Variants in HHIPL1 observed in about 807,000 individuals in gnomAD.
HHIPL1 encodes HHIP like 1, also known as HHIP-like protein 1.
Under a neutral mutation model 61.8 loss-of-function variants are expected in HHIPL1, and 43 were observed. That is an observed-to-expected ratio of 0.70 (90% CI 0.55 to 0.90). The LOEUF (loss-of-function observed/expected upper bound fraction) is 0.90. Ranked by LOEUF, HHIPL1 falls within the 40% of genes least tolerant of loss-of-function variation. The probability of loss-of-function intolerance (pLI) is 0.00; values close to 1 mark genes in which losing one functional copy is unlikely to be tolerated. For missense variants in HHIPL1, 1,056 were observed against 1,157.7 expected, an observed-to-expected ratio of 0.91 and a Z score of 1.28; for synonymous variants, 482 against 515.8, an observed-to-expected ratio of 0.93 and a Z score of 0.89.
At chr14:99,643,722 G>C (rs1448376730), upstream of HHIPL1, among the ~76,000 whole-genome samples, 1 of 152,230 alleles carries the variant, frequency 6.6e-6, no homozygotes, top group Non-Finnish European at 1.5e-5. Context: ...GCAGCCCTCT[G>C]CTAGGTTCAG....
chr14:99,640,964 G>T (rs2055743821), upstream of HHIPL1, among the ~76,000 whole-genome samples: 1 of 131,026 alleles, frequency 7.6e-6, no homozygotes, highest in African/African-American at 2.9e-5. Flanking sequence ...TTGGCTCACT[G>T]CAAGCTCCGC....
chr14:99,657,849 T>TACACACAATAC (rs534008355), intron 3 of HHIPL1, among the ~76,000 whole-genome samples: 3 of 151,254 alleles, frequency 2.0e-5, no homozygotes, highest in Non-Finnish European at 4.4e-5. Context: ...ACATACCACA[T>TACACACAATAC]ACACACAATA....
At chr14:99,637,075 AGAG>A in the HHIPL1 span, among the ~76,000 whole-genome samples, 1 of 103,314 alleles carries the variant, frequency 9.7e-6, no homozygotes, top group African/African-American at 3.1e-5. Context: ...AGAAAGAAAG[AGAG>A]AGAAAGAAAG....
At chr14:99,644,780 G>A (rs1335659619), upstream of HHIPL1, among the ~76,000 whole-genome samples, 1 of 152,184 alleles carries the variant, frequency 6.6e-6, no homozygotes, top group Admixed American at 6.5e-5. Context: ...TTTTTAAAAT[G>A]TTACGTGGGA....
In HHIPL1 at chr14:99,680,065, T is replaced by C. The variant is rs1041344313; in HGVS notation, c.*4439T>C. ...GACACCCTCAATATCACTGTCCCTG[T>C]TTTCCAGATGAGGGGACAGATTCCT... On this transcript the variant is annotated 3_prime_UTR_variant, in exon 9 of 9. Coordinates refer to ENST00000330710, the MANE Select transcript of HHIPL1 (RefSeq NM_001127258.3). 2 of 152,190 alleles carry C rather than the reference T, an allele frequency of 1.3e-5. No homozygotes were observed. Among genetic ancestry groups the C allele is most frequent in the African/African-American group, 4.8e-5 (2 of 41,440 alleles). 9.4% of individuals were successfully genotyped at this position (152,190 alleles called of 1,614,324 possible).
chr14:99,620,910 G>A, the HHIPL1 span, among the ~76,000 whole-genome samples: 1 of 152,216 alleles, frequency 6.6e-6, no homozygotes, highest in East Asian at 1.9e-4. Context: ...ACTTCCCCAT[G>A]AGAGTGCGGA....
At chr14:99,657,734 C>CACACAT (rs1392902337) in intron 3 of HHIPL1, among the ~76,000 whole-genome samples, 18 of 150,914 alleles carry the variant, frequency 1.2e-4, no homozygotes, top group Admixed American at 2.6e-4. Flanking sequence ...CACATATATA[C>CACACAT]ACACATACAC....
chr14:99,637,086 AAGAAAGAAGGAAGGAAAAAAGAAAG>A, the HHIPL1 span, among the ~76,000 whole-genome samples: 2 of 129,734 alleles, frequency 1.5e-5, no homozygotes, highest in African/African-American at 6.4e-5. Flanking sequence ...GAGAGAAAGA[AAGAAAGAAGGAAGGAAAAAAGAAAG>A]AAAGAAAGAA....
the HHIPL1 span, among the ~76,000 whole-genome samples, chr14:99,608,601 A>T: frequency 0.01 from 1,589 of 152,324 alleles, 27 homozygotes; most frequent in African/African-American, 0.036. Context: ...GTGGCTGACC[A>T]GGTCTGGGCC....
In HHIPL1 at chr14:99,662,885, G is replaced by A. The variant is rs1399065274; in HGVS notation, c.1512G>A (p.Met504Ile). The change falls in exon 6 of 9, where the codon ATG becomes ATA. Residue 504 changes from methionine to isoleucine, a missense_variant. Met to Ile is a conservative substitution (Grantham distance 10, BLOSUM62 1). Transcript: ENST00000330710. ...IFGDFMSGRL[M>I]SLQENPGTGQ... is the part of the protein sequence containing the mutation. ...TCATCTTCCTTTGCAGGCGTCTGATGTCCCTCCAAGAGAACCCAGGGACAG... is the reference window on the plus strand; with the variant it reads ...TCATCTTCCTTTGCAGGCGTCTGATATCCCTCCAAGAGAACCCAGGGACAG... 4 of 1,597,870 alleles carry A rather than the reference G, an allele frequency of 2.5e-6. No individual in the cohort carries two copies. Among genetic ancestry groups the A allele is most frequent in the South Asian group, 1.1e-5 (1 of 88,034 alleles).
chr14:99,659,967 C>T (rs1469211925), intron 4 of HHIPL1, among the ~76,000 whole-genome samples: 3 of 151,466 alleles, frequency 2.0e-5, no homozygotes, highest in African/African-American at 4.9e-5. Flanking sequence ...CCTGGATCTG[C>T]CCCCACCCCA....
chr14:99,623,148 C>T, the HHIPL1 span, among the ~76,000 whole-genome samples: 1 of 152,222 alleles, frequency 6.6e-6, no homozygotes. Context: ...CATGCTCACA[C>T]GTGCTAAGTT....
chr14:99,611,567 T>C, the HHIPL1 span, among the ~76,000 whole-genome samples: 2 of 149,620 alleles, frequency 1.3e-5, no homozygotes, highest in Non-Finnish European at 3.0e-5. Flanking sequence ...ATTAAAAATG[T>C]GAGCCACCGT....
chr14:99,620,016 C>T, the HHIPL1 span, among the ~76,000 whole-genome samples: 21 of 152,316 alleles, frequency 1.4e-4, no homozygotes, highest in South Asian at 6.2e-4. Flanking sequence ...CAGCAATCCC[C>T]GCCTGGCACT....
chr14:99,639,633 C>T, the HHIPL1 span, among the ~76,000 whole-genome samples: 1 of 152,062 alleles, frequency 6.6e-6, no homozygotes, highest in African/African-American at 2.4e-5. Context: ...AGGCATGAGC[C>T]ACCATACCAG....
the HHIPL1 span, among the ~76,000 whole-genome samples, chr14:99,629,070 C>G: frequency 0.088 from 13,364 of 152,266 alleles, 626 homozygotes; most frequent in Non-Finnish European, 0.1. Context: ...CCCAGCATGT[C>G]CTTCCCAGAC....
intron 1 of HHIPL1, among the ~76,000 whole-genome samples, chr14:99,650,610 C>T (rs539840634): frequency 6.6e-6 from 1 of 152,334 alleles, no homozygotes; most frequent in Admixed American, 6.5e-5. Context: ...AGCCCACTGG[C>T]ATGTGACATG....
In HHIPL1 at chr14:99,668,199, T is replaced by TAGTC. The variant is rs2056277063; in HGVS notation, c.1649-21_1649-18dup. 4 of 1,495,270 alleles carry TAGTC rather than the reference T, an allele frequency of 2.7e-6. No individual in the cohort carries two copies. Among genetic ancestry groups the TAGTC allele is most frequent in the Non-Finnish European group, 3.7e-6 (4 of 1,071,686 alleles). 92.6% of individuals were successfully genotyped at this position (1,495,270 alleles called of 1,614,324 possible). A position where few individuals can be genotyped will look rare whatever the true frequency, so the allele number is the denominator to read the frequency against. On this transcript the variant is annotated intron_variant, in intron 6 of 8. Coordinates refer to ENST00000330710, the MANE Select transcript of HHIPL1 (RefSeq NM_001127258.3). This position sits in a 1 kb window ranked among gnomAD's most constrained non-coding sequence, Gnocchi z 4.7. ...ACGGTATTCCAGGTGGGGGTCTCAC[T>TAGTC]AGTCACTTTGTTCTGTCCAAAGGGG...
chr14:99,675,026 G>A lies in HHIPL1; in HGVS notation c.1814-65G>A. The stretch of plus-strand genomic sequence containing the variant: ...CCGCACAGGTTGCAGGGCAGCACAG[G>A]GTGGGCAGCAGGGCTGGACAGGGGC... On this transcript the variant is annotated intron_variant, in intron 8 of 8. Coordinates refer to ENST00000330710, the MANE Select transcript of HHIPL1 (RefSeq NM_001127258.3). This position sits in a 1 kb window ranked among gnomAD's most constrained non-coding sequence, Gnocchi z 5.4. The A allele has an allele frequency of 1.1e-6, 1 of 899,546 alleles. No individual in the cohort carries two copies. The highest frequency in any genetic ancestry group is 1.4e-6 in the Non-Finnish European group (1 of 721,720). 55.7% of individuals were successfully genotyped at this position (899,546 alleles called of 1,614,324 possible).
Sources: gnomAD v4.1 joint callset for allele counts (sites outside exome capture counted in the v4.1 genomes callset) on GRCh38, gnomAD v4.1.1 for gene constraint, Gnocchi (gnomAD v3.1) non-coding constraint, MANE v1.5 for transcripts, NCBI Gene and HGNC (gene_info 2026-07-23, HGNC 2026-07-21) for gene names.